STPG4: variants seen among roughly 807,000 people sequenced by gnomAD.
The protein encoded by STPG4 is sperm-tail PG-rich repeat containing 4.
A neutral mutation model predicts 31.5 loss-of-function variants in STPG4; 41 were observed. That is an observed-to-expected ratio of 1.30 (90% CI 1.01 to 1.69). The LOEUF (loss-of-function observed/expected upper bound fraction) is 1.69. STPG4 is among the 40% of genes most tolerant of loss of function. The probability of loss-of-function intolerance (pLI) is 0.00; values close to 1 mark genes in which losing one functional copy is unlikely to be tolerated. For synonymous variants in STPG4, 141 were observed against 103.0 expected, an observed-to-expected ratio of 1.37 and a Z score of -2.24; for missense variants, 375 against 293.4, an observed-to-expected ratio of 1.28 and a Z score of -2.03.
intron 3 of STPG4, among the ~76,000 whole-genome samples, chr2:47,131,250 C>A (rs570627523): frequency 1.3e-5 from 2 of 152,238 alleles, no homozygotes; most frequent in East Asian, 3.9e-4. Context: ...CCTCAGTCTC[C>A]CAAATAGCTG....
intron 3 of STPG4, among the ~76,000 whole-genome samples, chr2:47,139,774 T>A (rs1207800652): frequency 6.6e-6 from 1 of 152,162 alleles, no homozygotes; most frequent in Non-Finnish European, 1.5e-5. Context: ...AATCTGTCTT[T>A]TAATTGGTGT....
intron 3 of STPG4, among the ~76,000 whole-genome samples, chr2:47,146,336 C>T (rs1468627487): frequency 6.6e-6 from 1 of 152,074 alleles, no homozygotes; most frequent in East Asian, 1.9e-4. Flanking sequence ...CACAGAACAG[C>T]CCCCCGCCCC....
At chr2:47,114,903 G>A (rs1244912752) in intron 5 of STPG4, among the ~76,000 whole-genome samples, 2 of 152,082 alleles carry the variant, frequency 1.3e-5, no homozygotes, top group Non-Finnish European at 2.9e-5. Flanking sequence ...AAGTAGCTGG[G>A]ACTACAGGCA....
At chr2:47,117,904 A>C (rs1391119292) in intron 5 of STPG4, among the ~76,000 whole-genome samples, 1 of 147,862 alleles carries the variant, frequency 6.8e-6, no homozygotes, top group Non-Finnish European at 1.5e-5. Flanking sequence ...GTCACTTTAG[A>C]GATAGTACAA....
chr2:47,143,600 C>T (rs1484671831), intron 3 of STPG4, among the ~76,000 whole-genome samples: 1 of 152,032 alleles, frequency 6.6e-6, no homozygotes, highest in African/African-American at 2.4e-5. Context: ...ATTCTCCTGC[C>T]TCAGCCTCCC....
chr2:47,144,435 C>A (rs1192019496), intron 3 of STPG4, among the ~76,000 whole-genome samples: 3 of 152,128 alleles, frequency 2.0e-5, no homozygotes, highest in Non-Finnish European at 4.4e-5. Context: ...CATCTCAGCA[C>A]TTGGGGAGGC....
At chr2:47,133,369 G>T (rs1228446118) in intron 3 of STPG4, among the ~76,000 whole-genome samples, 2 of 151,496 alleles carry the variant, frequency 1.3e-5, no homozygotes, top group Non-Finnish European at 1.5e-5. Flanking sequence ...ATCTCACTAT[G>T]TTGCCAGGGC....
intron 5 of STPG4, among the ~76,000 whole-genome samples, chr2:47,093,082 C>T (rs1158824561): frequency 6.6e-6 from 1 of 152,196 alleles, no homozygotes; most frequent in African/African-American, 2.4e-5. Flanking sequence ...TGAGACACCG[C>T]ACCCGGCCCT....
intron 3 of STPG4, among the ~76,000 whole-genome samples, chr2:47,142,207 A>G (rs1159374715): frequency 2.0e-5 from 3 of 151,840 alleles, no homozygotes; most frequent in African/African-American, 7.3e-5. Context: ...AACATATTCA[A>G]ATGGATCCTT....
At chr2:47,144,681 C>T (rs1256043466) in intron 3 of STPG4, among the ~76,000 whole-genome samples, 2 of 152,036 alleles carry the variant, frequency 1.3e-5, no homozygotes, top group Non-Finnish European at 2.9e-5. Flanking sequence ...CCACTGCTGA[C>T]CACTAGAAAT....
At chr2:47,087,327 G>T (rs1463250580) in intron 6 of STPG4, among the ~76,000 whole-genome samples, 197 bp from the exon 7 acceptor site, 1 of 152,224 alleles carries the variant, frequency 6.6e-6, no homozygotes, top group Admixed American at 6.5e-5. Context: ...CCTGTTAGGG[G>T]CTCATCATGA....
intron 1 of STPG4, among the ~76,000 whole-genome samples, chr2:47,154,697 C>G (rs1686995672): frequency 6.6e-6 from 1 of 152,242 alleles, no homozygotes; most frequent in Non-Finnish European, 1.5e-5. Context: ...CACCGCTGCA[C>G]TCCTGCCTGG....
intron 3 of STPG4, among the ~76,000 whole-genome samples, chr2:47,149,623 A>C (rs1026558984): frequency 6.6e-6 from 1 of 152,178 alleles, no homozygotes; most frequent in Non-Finnish European, 1.5e-5. Context: ...TCCTGCTGAA[A>C]ATTTTGTGTC....
chr2:47,148,519 CTTTA>C (rs569229594), intron 3 of STPG4, among the ~76,000 whole-genome samples: 21 of 151,812 alleles, frequency 1.4e-4, no homozygotes, highest in African/African-American at 1.9e-4. Context: ...ATAGTGAAAA[CTTTA>C]TTTATTTATT....
intron 5 of STPG4, among the ~76,000 whole-genome samples, chr2:47,098,511 T>C (rs1033459474): frequency 6.6e-6 from 1 of 152,174 alleles, no homozygotes; most frequent in African/African-American, 2.4e-5. Flanking sequence ...GCTGTTTTTC[T>C]TTAAAATCGT....
chr2:47,130,049 T>C (rs971343038), intron 4 of STPG4, 54 bp from the exon 5 acceptor site: 39 of 1,487,552 alleles, frequency 2.6e-5, no homozygotes, highest in Non-Finnish European at 3.3e-5. Context: ...TTTTTAAAGA[T>C]CTTTGTTAAC....
At chr2:47,144,101 G>C (rs866719276) in intron 3 of STPG4, among the ~76,000 whole-genome samples, 2 of 152,062 alleles carry the variant, frequency 1.3e-5, no homozygotes, top group Non-Finnish European at 2.9e-5. Context: ...AGTTACCCTA[G>C]CATGTTGATT....
chr2:47,094,541 C>T (rs993815106), intron 5 of STPG4, among the ~76,000 whole-genome samples: 4 of 152,188 alleles, frequency 2.6e-5, no homozygotes, highest in Non-Finnish European at 5.9e-5. Context: ...AAAATACTCT[C>T]TTTGGCCTCT....
intron 3 of STPG4, among the ~76,000 whole-genome samples, chr2:47,138,346 T>A (rs2103790918): frequency 6.6e-6 from 1 of 152,260 alleles, no homozygotes; most frequent in Middle Eastern, 3.4e-3. Flanking sequence ...TCCATTGTGG[T>A]CTGAGAGCAG....
Sources: allele counts gnomAD v4.1 joint callset (sites outside exome capture counted in the v4.1 genomes callset), GRCh38; gene constraint gnomAD v4.1.1; transcripts MANE v1.5; gene names NCBI Gene and HGNC (gene_info 2026-07-23, HGNC 2026-07-21).